Variants in FSTL4 observed in about 807,000 individuals in gnomAD.
The protein encoded by FSTL4 is follistatin-related protein 4.
In FSTL4, 28 loss-of-function variants were observed where a neutral mutation model predicts 78.2. That is an observed-to-expected ratio of 0.36 (90% CI 0.27 to 0.49). FSTL4 has a LOEUF of 0.49. Ranked by LOEUF, FSTL4 falls within the 20% of genes least tolerant of loss-of-function variation. FSTL4 has a pLI of 0.98. For missense variants in FSTL4, 922 were observed against 1,084.9 expected, an observed-to-expected ratio of 0.85 and a Z score of 2.11; for synonymous variants, 422 against 440.5, an observed-to-expected ratio of 0.96 and a Z score of 0.53.
chr5:133,459,252 G>C (rs770833012), intron 3 of FSTL4, among the ~76,000 whole-genome samples: 30 of 152,060 alleles, frequency 2.0e-4, no homozygotes, highest in Non-Finnish European at 4.0e-4. Flanking sequence ...CAAACCCACC[G>C]ACAGTCCCCG....
chr5:133,704,061 G>T, the FSTL4 span, among the ~76,000 whole-genome samples: 3 of 152,144 alleles, frequency 2.0e-5, no homozygotes, highest in African/African-American at 7.2e-5. Context: ...GGGTGGGAGG[G>T]TGGAGGGACA....
Position 133,338,570 on chromosome 5 carries a change from G to A in FSTL4, c.410-21918C>T, listed in dbSNP as rs1319394892. 5.3e-5 allele frequency among the ~76,000 whole-genome samples: 8 copies of A among 152,022 alleles called. No individual in the cohort carries two copies. The highest frequency in any genetic ancestry group is 1.9e-4 in the African/African-American group (8 of 41,344). On this transcript the variant is annotated intron_variant, in intron 4 of 15. Coordinates refer to ENST00000265342, the MANE Select transcript of FSTL4 (RefSeq NM_015082.2). The surrounding 1 kb of genome is among the most constrained non-coding windows in gnomAD (Gnocchi z 4.0). ...TCGAGGCTGGTGCAGGGGAAGCTTG[G>A]AGCGGTGTCTACTCACTATCCAGCC... is the stretch of plus-strand genomic sequence containing the variant.
At position 133,249,478 on chromosome 5, in the gene FSTL4, G is replaced by C. The variant is rs1307409409; in HGVS notation, c.826C>G (p.Leu276Val). Residue 276 changes from leucine to valine, a missense_variant, in exon 7 of 16, where the codon CTG (leucine) becomes GTG (valine). Leu to Val is a conservative substitution (Grantham distance 32). Coordinates refer to ENST00000265342, the MANE Select transcript of FSTL4 (RefSeq NM_015082.2). ...CGCTTCCAGATGATTGGTGGCCTCAGGTCTCCATGGACGGCGCAGGTCAGC... is the reference window on the plus strand; with the variant it reads ...CGCTTCCAGATGATTGGTGGCCTCACGTCTCCATGGACGGCGCAGGTCAGC... ...TVLTCAVHGD[L>V]RPPIIWKRNG... The C allele has an allele frequency of 6.2e-7, 1 of 1,613,774 alleles. No homozygotes were observed. Among genetic ancestry groups the C allele is most frequent in the Non-Finnish European group, 8.5e-7 (1 of 1,179,728 alleles).
Position 133,251,666 on chromosome 5 carries a change from A to ATT in FSTL4, c.728-2092_728-2091dup, listed in dbSNP as rs1331896335. Among the ~76,000 whole-genome samples, 5 of 152,114 alleles carry ATT rather than the reference A, an allele frequency of 3.3e-5. No individual in the cohort carries two copies. In the East Asian group the frequency reaches 9.6e-4, roughly 29 times the overall value. ...GGTCTCCCATTTCCAGGCTGATGTCATTGAGATTAAAGCCTTTCTTCCCTG... is the reference window on the plus strand; with the variant it reads ...GGTCTCCCATTTCCAGGCTGATGTCATTTTGAGATTAAAGCCTTTCTTCCCTG... On this transcript the variant is annotated intron_variant, in intron 6 of 15. Transcript: ENST00000265342.
intron 2 of FSTL4, among the ~76,000 whole-genome samples, chr5:133,602,899 C>T (rs17517172): frequency 0.075 from 11,419 of 152,136 alleles, 474 homozygotes; most frequent in East Asian, 0.1. Flanking sequence ...TTAATCCTAC[C>T]CTACACTGAG....
chr5:133,607,430 C>A (rs1761001441), intron 1 of FSTL4, among the ~76,000 whole-genome samples: 1 of 152,214 alleles, frequency 6.6e-6, no homozygotes, highest in Admixed American at 6.5e-5. Flanking sequence ...GGTATTAACT[C>A]ATAACCCTCC....
At chr5:133,727,489 C>CA in the FSTL4 span, among the ~76,000 whole-genome samples, 6 of 152,184 alleles carry the variant, frequency 3.9e-5, no homozygotes, top group African/African-American at 1.2e-4. Flanking sequence ...GACCAGTCAC[C>CA]AAGGGCTGTG....
At chr5:133,685,190 C>T in the FSTL4 span, among the ~76,000 whole-genome samples, 1 of 152,312 alleles carries the variant, frequency 6.6e-6, no homozygotes, top group East Asian at 1.9e-4. Flanking sequence ...GCCCCTGGGG[C>T]TCAGCATCTC....
rs1313816265 is a variant in FSTL4, at chr5:133,299,936, C to A, written c.727+12718G>T. 2.6e-5 allele frequency among the ~76,000 whole-genome samples: 4 copies of A among 152,226 alleles called. No individual in the cohort carries two copies. The East Asian group carries it at 7.7e-4, about 29-fold the overall frequency. On this transcript the variant is annotated intron_variant, in intron 6 of 15. Coordinates refer to ENST00000265342, the MANE Select transcript of FSTL4 (RefSeq NM_015082.2). ...CACACTGGGTTGCCTCCAGGGCTGCCTTTAAGGTGTGGCCACTATTGCTCC... is the reference window on the plus strand; with the variant it reads ...CACACTGGGTTGCCTCCAGGGCTGCATTTAAGGTGTGGCCACTATTGCTCC...
At chr5:133,665,710 G>T in the FSTL4 span, among the ~76,000 whole-genome samples, 3 of 152,222 alleles carry the variant, frequency 2.0e-5, no homozygotes, top group Admixed American at 1.3e-4. Context: ...AAAGGCAAGG[G>T]TTAAATGTGC....
chr5:133,778,125 C>T, the FSTL4 span, among the ~76,000 whole-genome samples: 4 of 152,206 alleles, frequency 2.6e-5, no homozygotes, highest in Non-Finnish European at 5.9e-5. Flanking sequence ...TGATGTGCTG[C>T]CTATCACCCA....
chr5:133,705,749 C>T, the FSTL4 span, among the ~76,000 whole-genome samples: 104 of 152,144 alleles, frequency 6.8e-4, 2 homozygotes, highest in African/African-American at 2.3e-3. Flanking sequence ...TCTGAGTTCC[C>T]ATCCAGAGCC....
At chr5:133,304,060 C>T (rs928842591) in intron 6 of FSTL4, among the ~76,000 whole-genome samples, 8 of 152,188 alleles carry the variant, frequency 5.3e-5, no homozygotes, top group African/African-American at 1.7e-4. Flanking sequence ...CAGGCATTCA[C>T]ATCCTAAGCC....
chr5:133,217,367 A>G lies in FSTL4; in HGVS notation c.1470T>C (p.Cys490=). The G allele has an allele frequency of 1.2e-6, 2 of 1,614,062 alleles. No homozygotes were observed. Among genetic ancestry groups the G allele is most frequent in the Non-Finnish European group, 1.7e-6 (2 of 1,179,968 alleles). Residue 490 remains cysteine (C), a synonymous_variant, in exon 13 of 16, where the codon TGT becomes TGC. Transcript: ENST00000265342. ...GGGTTGCATTTTTTTCTCTTTGAGGACAGATTTCTTCCTGCAAAGGAGATA... is the reference window on the plus strand; with the variant it reads ...GGGTTGCATTTTTTTCTCTTTGAGGGCAGATTTCTTCCTGCAAAGGAGATA... ...EKIFMSYEEI[C]PQREKNATQP...
At chr5:133,291,049 C>T (rs1219911851) in intron 6 of FSTL4, among the ~76,000 whole-genome samples, 2 of 152,252 alleles carry the variant, frequency 1.3e-5, no homozygotes, top group South Asian at 2.1e-4. Flanking sequence ...CTCAAGGTCA[C>T]GTGCAGCTCT....
At chr5:133,448,741 G>GAT (rs1004709722) in intron 3 of FSTL4, among the ~76,000 whole-genome samples, 1 of 127,460 alleles carries the variant, frequency 7.8e-6, no homozygotes, top group Non-Finnish European at 1.6e-5. Flanking sequence ...TGCGGGGGCG[G>GAT]GGGGGGGGGG....
At chr5:133,630,642 C>A in the FSTL4 span, among the ~76,000 whole-genome samples, 1 of 151,272 alleles carries the variant, frequency 6.6e-6, no homozygotes, top group African/African-American at 2.4e-5. Flanking sequence ...AGAAAAACAA[C>A]TAAATTTCAT....
At chr5:133,755,466 A>G in the FSTL4 span, among the ~76,000 whole-genome samples, 1 of 152,000 alleles carries the variant, frequency 6.6e-6, no homozygotes, top group Non-Finnish European at 1.5e-5. Flanking sequence ...CCCTAAACCC[A>G]AAGCAGTAAA....
At chr5:133,810,791 T>C in the FSTL4 span, among the ~76,000 whole-genome samples, 1 of 152,194 alleles carries the variant, frequency 6.6e-6, no homozygotes, top group Non-Finnish European at 1.5e-5. Context: ...CCATGTTGCC[T>C]GTTCCTCACT....
Sources: allele counts gnomAD v4.1 joint callset (sites outside exome capture counted in the v4.1 genomes callset), GRCh38; gene constraint gnomAD v4.1.1; non-coding constraint Gnocchi (gnomAD v3.1); transcripts MANE v1.5; gene names NCBI Gene and HGNC (gene_info 2026-07-23, HGNC 2026-07-21).